The following ZC3H3 variants were observed in gnomAD, a reference collection of about 807,000 sequenced individuals.
The protein encoded by ZC3H3 is zinc finger CCCH-type containing 3.
ZC3H3 carries 36 observed loss-of-function variants against 77.3 expected under a neutral mutation model. The observed-to-expected ratio is 0.47, with a 90% CI of 0.36 to 0.61. The LOEUF is 0.61. Ranked by LOEUF, ZC3H3 falls within the 20% of genes least tolerant of loss-of-function variation. ZC3H3 has a pLI of 0.00. For synonymous variants in ZC3H3, 626 were observed against 555.2 expected, an observed-to-expected ratio of 1.13 and a Z score of -1.79; for missense variants, 1,331 against 1,312.2, an observed-to-expected ratio of 1.01 and a Z score of -0.22.
At chr8:143,476,543 C>T (rs113301088) in intron 4 of ZC3H3, among the ~76,000 whole-genome samples, 2,085 of 152,246 alleles carry the variant, frequency 0.014, 36 homozygotes, top group African/African-American at 0.048. Context: ...CACAGCCCTG[C>T]GGACCCTCGG....
rs556399142 is a variant in ZC3H3 at position 143,494,896 on chromosome 8, T to C, written c.1715+12850A>G. ...GTGGCCTTACGTTAGCCCGAGCAGG[T>C]ACTCAACATCACTGGACACCAGGGA... On this transcript the variant is annotated intron_variant, in intron 4 of 11. Coordinates refer to ENST00000262577, the MANE Select transcript of ZC3H3 (RefSeq NM_015117.3). The surrounding 1 kb of genome is among the most constrained non-coding windows in gnomAD (Gnocchi z 5.3). 2.6e-5 allele frequency among the ~76,000 whole-genome samples: 4 copies of C among 152,260 alleles called. No individual in the cohort carries two copies. The highest frequency in any genetic ancestry group is 2.0e-4 in the Admixed American group (3 of 15,286).
intron 9 of ZC3H3, among the ~76,000 whole-genome samples, chr8:143,443,284 CAAAAAA>C (rs34765299): frequency 1.9e-4 from 12 of 61,954 alleles, no homozygotes; most frequent in African/African-American, 5.3e-4. Flanking sequence ...GACCCTGTCT[CAAAAAA>C]AAAAAAAAAA....
At chr8:143,535,832 A>G (rs934338427) in intron 3 of ZC3H3, among the ~76,000 whole-genome samples, 5 of 152,230 alleles carry the variant, frequency 3.3e-5, no homozygotes, top group African/African-American at 9.6e-5. Flanking sequence ...ACCATGTGAC[A>G]CTCAGAAAGG....
chr8:143,478,835 C>A (rs2129921145), intron 4 of ZC3H3, among the ~76,000 whole-genome samples: 1 of 152,368 alleles, frequency 6.6e-6, no homozygotes, highest in Admixed American at 6.5e-5. Context: ...CATGGATGAA[C>A]ATGAACAATT....
chr8:143,481,195 C>T lies in ZC3H3; in HGVS notation c.1716-5610G>A, dbSNP rs1165503589. ...GGGAAGGCTGGGCCTCTCCGGAGCACCTCCCAACCCAGCTCCCAGGCCCAG... is the reference window on the plus strand; with the variant it reads ...GGGAAGGCTGGGCCTCTCCGGAGCATCTCCCAACCCAGCTCCCAGGCCCAG... On this transcript the variant is annotated intron_variant, in intron 4 of 11. Coordinates refer to ENST00000262577, the MANE Select transcript of ZC3H3 (RefSeq NM_015117.3). 2.0e-5 allele frequency among the ~76,000 whole-genome samples: 3 copies of T among 152,278 alleles called. No individual in the cohort carries two copies. In the East Asian group the frequency reaches 5.8e-4, roughly 29 times the overall value.
At chr8:143,483,292 G>A (rs1820957867) in intron 4 of ZC3H3, among the ~76,000 whole-genome samples, 1 of 152,246 alleles carries the variant, frequency 6.6e-6, no homozygotes, top group African/African-American at 2.4e-5. Flanking sequence ...ATGCATGTGT[G>A]TCCATGCGTG....
chr8:143,488,809 G>A (rs1243812305), intron 4 of ZC3H3, among the ~76,000 whole-genome samples: 1 of 152,206 alleles, frequency 6.6e-6, no homozygotes, highest in African/African-American at 2.4e-5. Context: ...TGACAAAAAG[G>A]CGACTCCCCC....
In ZC3H3 at chr8:143,538,870, G is replaced by A. The variant is rs1234289865; in HGVS notation, c.497C>T (p.Pro166Leu). ...CGAGGGCTGCAGCTGTCCCCGAGGG[G>A]GCTCACCTTCACCTTCCCGGGGCCT... ...DQRPREGEGE[P>L]PRGQLQPSRP... Residue 166 changes from proline (P) to leucine (L), a missense_variant, in exon 2 of 12, where the codon CCC (proline) becomes CTC (leucine). Around this residue, in one of 3 missense-constraint regions of ZC3H3, gnomAD observed 978 missense variants for 915.5 expected, o/e 1.07. Transcript: ENST00000262577. 5.0e-6 allele frequency: 8 copies of A among 1,612,556 alleles called. No homozygotes were observed. The highest frequency in any genetic ancestry group is 6.8e-6 in the Non-Finnish European group (8 of 1,179,768).
At position 143,451,962 on chromosome 8, in the gene ZC3H3, G is replaced by A. The variant is rs539765133; in HGVS notation, c.2308-10842C>T. ...GTGCTGATGGAAGGGATCGGGGCAC[G>A]ACTGGTGCTGGGTGCCCTTGGGCTG... On this transcript the variant is annotated intron_variant, in intron 9 of 11. Coordinates refer to ENST00000262577, the MANE Select transcript of ZC3H3 (RefSeq NM_015117.3). Among the ~76,000 whole-genome samples the A allele has an allele frequency of 4.9e-4, 75 of 152,334 alleles. 1 individual carries two copies. The highest frequency in any genetic ancestry group is 1.7e-3 in the African/African-American group (72 of 41,586).
At chr8:143,463,326 G>A (rs987863678) in intron 9 of ZC3H3, among the ~76,000 whole-genome samples, 8 of 152,132 alleles carry the variant, frequency 5.3e-5, no homozygotes, top group Admixed American at 2.6e-4. Flanking sequence ...AGCCAGGAGC[G>A]GCTGTCCCAG....
chr8:143,522,058 A>G (rs1822261297), intron 3 of ZC3H3, among the ~76,000 whole-genome samples: 1 of 152,068 alleles, frequency 6.6e-6, no homozygotes, highest in Admixed American at 6.6e-5. Flanking sequence ...GCTGCTGGTC[A>G]CCCTGTAAGC....
intron 4 of ZC3H3, among the ~76,000 whole-genome samples, chr8:143,485,732 A>G (rs546718170): frequency 3.5e-4 from 53 of 152,368 alleles, no homozygotes; most frequent in African/African-American, 1.2e-3. Flanking sequence ...GGCGGAAAAC[A>G]TCCACAACAA....
chr8:143,539,252 A>AC lies in ZC3H3; in HGVS notation c.114dup (p.Trp39ValfsTer13), dbSNP rs1822929708. The stretch of plus-strand genomic sequence containing the variant: ...CCACTGTGGTAAGTGGGTGGCTGCC[A>AC]CCCAGAAGCTGCTGGGGTACCAGGG... On this transcript the variant is annotated frameshift_variant, in exon 2 of 12. Transcript: ENST00000262577. LOFTEE classifies it high-confidence loss of function. The AC allele has an allele frequency of 6.2e-7, 1 of 1,612,822 alleles. No individual in the cohort carries two copies.
chr8:143,494,049 C>A lies in ZC3H3; in HGVS notation c.1715+13697G>T, dbSNP rs1421238247. ...TAAAATAAAACTCTAAAAAACCTGC[C>A]GGAGTCCTGCCTCAGCAGCACGTGG... On this transcript the variant is annotated intron_variant, in intron 4 of 11. Coordinates refer to ENST00000262577, the MANE Select transcript of ZC3H3 (RefSeq NM_015117.3). This position sits in a 1 kb window ranked among gnomAD's most constrained non-coding sequence, Gnocchi z 5.3. Among the ~76,000 whole-genome samples, 1 of 152,168 alleles carries A rather than the reference C, an allele frequency of 6.6e-6. No homozygotes were observed. Among genetic ancestry groups the A allele is most frequent in the African/African-American group, 2.4e-5 (1 of 41,446 alleles).
chr8:143,481,405 C>T (rs1360706995), intron 4 of ZC3H3, among the ~76,000 whole-genome samples: 1 of 152,192 alleles, frequency 6.6e-6, no homozygotes, highest in Non-Finnish European at 1.5e-5. Context: ...ACGTGAGCCC[C>T]TGAGAACTCC....
intron 9 of ZC3H3, among the ~76,000 whole-genome samples, chr8:143,452,870 A>G (rs1410844927): frequency 6.6e-6 from 1 of 152,226 alleles, no homozygotes; most frequent in African/African-American, 2.4e-5. Context: ...GAGATGCAGA[A>G]ACAGAGCAAA....
At chr8:143,479,802 G>A (rs907177868) in intron 4 of ZC3H3, among the ~76,000 whole-genome samples, 2 of 152,222 alleles carry the variant, frequency 1.3e-5, no homozygotes, top group Non-Finnish European at 2.9e-5. Flanking sequence ...CCTCCCTGGG[G>A]GGGGACAAAG....
chr8:143,481,476 G>A (rs1464609899), intron 4 of ZC3H3, among the ~76,000 whole-genome samples: 1 of 152,202 alleles, frequency 6.6e-6, no homozygotes, highest in Non-Finnish European at 1.5e-5. Context: ...TGTGTGACCA[G>A]GGGCGGGAGA....
Position 143,539,073 on chromosome 8 carries a change from G to T in ZC3H3, c.294C>A (p.Ala98=), listed in dbSNP as rs773040062. Reference sequence around the variant, plus strand: ...GCGGGACAGGAGGCTGGCCCCCCCGGGCCCCGTGCAACGGCCGCACAGCAT... The same window carrying T: ...GCGGGACAGGAGGCTGGCCCCCCCGTGCCCCGTGCAACGGCCGCACAGCAT... ...ADHAVRPLHG[A]RGGQPPVPQQ... is the part of the protein sequence containing the mutation. Residue 98 remains alanine, a synonymous_variant, in exon 2 of 12, where the codon GCC becomes GCA. Transcript: ENST00000262577. 8.1e-6 allele frequency: 13 copies of T among 1,612,982 alleles called. No homozygotes were observed.
Sources: gnomAD v4.1 joint callset for allele counts (sites outside exome capture counted in the v4.1 genomes callset) on GRCh38, gnomAD v4.1.1 for gene constraint, gnomAD v4.1.1 regional missense constraint, Gnocchi (gnomAD v3.1) non-coding constraint, MANE v1.5 for transcripts, NCBI Gene and HGNC (gene_info 2026-07-23, HGNC 2026-07-21) for gene names.